Variants in GRIN2B observed in about 807,000 individuals in gnomAD.
The protein encoded by GRIN2B is glutamate receptor ionotropic, NMDA 2B.
GRIN2B carries 5 observed loss-of-function variants against 114.5 expected under a neutral mutation model. The ratio of observed to expected loss-of-function variants is 0.04; its 90% confidence interval spans 0.02 to 0.09. GRIN2B has a LOEUF of 0.09. Ranked by LOEUF, GRIN2B falls within the 10% of genes least tolerant of loss-of-function variation. The pLI is 1.00. For synonymous variants in GRIN2B, 787 were observed against 745.1 expected, an observed-to-expected ratio of 1.06 and a Z score of -0.92; for missense variants, 1,108 against 1,943.5, an observed-to-expected ratio of 0.57 and a Z score of 8.08.
At chr12:13,739,679 G>A (rs538900296) in intron 4 of GRIN2B, among the ~76,000 whole-genome samples, 2 of 152,146 alleles carry the variant, frequency 1.3e-5, no homozygotes, top group South Asian at 4.1e-4. Flanking sequence ...ATTGCATGGA[G>A]AATGGTTCTA....
intron 3 of GRIN2B, among the ~76,000 whole-genome samples, chr12:13,829,189 C>T (rs1337085663): frequency 6.6e-6 from 1 of 152,158 alleles, no homozygotes; most frequent in Non-Finnish European, 1.5e-5. Context: ...CATCCAATCA[C>T]CTTTCATTAA....
At chr12:13,695,681 C>G (rs1250248398) in intron 4 of GRIN2B, among the ~76,000 whole-genome samples, 1 of 152,146 alleles carries the variant, frequency 6.6e-6, no homozygotes, top group Non-Finnish European at 1.5e-5. Context: ...GAACAGGATG[C>G]TGTATTCCTA....
At chr12:13,889,113 T>C (rs991455819) in intron 2 of GRIN2B, among the ~76,000 whole-genome samples, 4 of 152,232 alleles carry the variant, frequency 2.6e-5, no homozygotes, top group African/African-American at 9.6e-5. Context: ...TTAAAAATTA[T>C]TTGTTTTGGC....
intron 4 of GRIN2B, among the ~76,000 whole-genome samples, chr12:13,750,883 C>T (rs141906787): frequency 1.5e-3 from 226 of 152,198 alleles, no homozygotes; most frequent in African/African-American, 5.3e-3. Context: ...CATGCAATTG[C>T]CACAGTTTGA....
At chr12:13,660,975 T>C (rs756001381) in intron 5 of GRIN2B, among the ~76,000 whole-genome samples, 3 of 152,210 alleles carry the variant, frequency 2.0e-5, no homozygotes, top group Non-Finnish European at 2.9e-5. Flanking sequence ...TTTTAGACTA[T>C]ATCACTCTGT....
intron 4 of GRIN2B, among the ~76,000 whole-genome samples, chr12:13,726,537 AAAAG>A (rs919157633): frequency 2.8e-5 from 4 of 145,376 alleles, no homozygotes; most frequent in African/African-American, 7.9e-5. Flanking sequence ...TCTGTCAAAA[AAAAG>A]AAAGAAATAT....
At chr12:13,899,392 T>TATAACAGCCTTATATCCTAC (rs1451528749) in intron 2 of GRIN2B, among the ~76,000 whole-genome samples, 52 of 145,604 alleles carry the variant, frequency 3.6e-4, no homozygotes, top group Non-Finnish European at 5.7e-4. Flanking sequence ...AGGAAGTGGG[T>TATAACAGCCTTATATCCTAC]CAGTGTCAAG....
chr12:13,832,504 G>T (rs974440294), intron 3 of GRIN2B, among the ~76,000 whole-genome samples: 5 of 152,164 alleles, frequency 3.3e-5, no homozygotes, highest in African/African-American at 1.2e-4. Flanking sequence ...TGTCTGATTT[G>T]CCACCCTATT....
intron 4 of GRIN2B, among the ~76,000 whole-genome samples, chr12:13,715,244 C>T (rs1950445133): frequency 6.6e-6 from 1 of 151,864 alleles, no homozygotes; most frequent in South Asian, 2.1e-4. Context: ...TCTGAAGCCT[C>T]TCCGTTATCA....
In GRIN2B at chr12:13,556,143, C is replaced by T. The variant is rs775738411; in HGVS notation, c.*6640G>A. ...CAAGGTTGTGGTTAGAGAGGAAATC[C>T]CAGAGTTTTAGCTCTGGGAGGTGTA... On this transcript the variant is annotated 3_prime_UTR_variant, in exon 14 of 14. Transcript: ENST00000609686. The T allele has an allele frequency of 6.6e-6, 1 of 152,006 alleles. No homozygotes were observed. Among genetic ancestry groups the T allele is most frequent in the African/African-American group, 2.4e-5 (1 of 41,382 alleles). 9.4% of individuals were successfully genotyped at this position (152,006 alleles called of 1,614,324 possible). A position where few individuals can be genotyped will look rare whatever the true frequency, so the allele number is the denominator to read the frequency against.
chr12:13,912,509 G>A (rs1253774501), intron 2 of GRIN2B, among the ~76,000 whole-genome samples: 1 of 152,196 alleles, frequency 6.6e-6, no homozygotes, highest in African/African-American at 2.4e-5. Context: ...AGTATGGCCG[G>A]TCTAAGAGAG....
intron 10 of GRIN2B, among the ~76,000 whole-genome samples, chr12:13,607,407 A>ATTATATAT (rs1565473834): frequency 4.0e-5 from 3 of 74,392 alleles, no homozygotes; most frequent in African/African-American, 1.2e-4. Context: ...TATAATATAT[A>ATTATATAT]AAATATATAA....
At chr12:13,783,248 G>A (rs139952606) in intron 3 of GRIN2B, among the ~76,000 whole-genome samples, 4 of 152,046 alleles carry the variant, frequency 2.6e-5, no homozygotes, top group African/African-American at 7.2e-5. Context: ...ACACTGAAAA[G>A]ACAAACACAC....
At chr12:13,672,193 A>G (rs977958186) in intron 5 of GRIN2B, among the ~76,000 whole-genome samples, 3 of 152,182 alleles carry the variant, frequency 2.0e-5, no homozygotes, top group Non-Finnish European at 4.4e-5. Flanking sequence ...GGACCCAAGA[A>G]GTCTTCTTAG....
chr12:13,907,906 A>G (rs975832295), intron 2 of GRIN2B, among the ~76,000 whole-genome samples: 12 of 152,212 alleles, frequency 7.9e-5, no homozygotes, highest in Admixed American at 5.9e-4. Flanking sequence ...AAGAGTGTCC[A>G]TGAATGGCAT....
intron 2 of GRIN2B, among the ~76,000 whole-genome samples, chr12:13,955,786 G>C (rs1012066717): frequency 3.3e-5 from 5 of 152,114 alleles, no homozygotes; most frequent in Non-Finnish European, 7.4e-5. Flanking sequence ...TTTCAATTAA[G>C]ACACAAAGAG....
At chr12:13,809,917 T>C (rs1335889705) in intron 3 of GRIN2B, among the ~76,000 whole-genome samples, 2 of 152,204 alleles carry the variant, frequency 1.3e-5, no homozygotes, top group Non-Finnish European at 2.9e-5. Flanking sequence ...TGGGATCCAG[T>C]CTGCCTCATC....
At chr12:13,723,330 C>T (rs945895508) in intron 4 of GRIN2B, among the ~76,000 whole-genome samples, 1 of 151,870 alleles carries the variant, frequency 6.6e-6, no homozygotes, top group Non-Finnish European at 1.5e-5. Context: ...TTCTAAGACA[C>T]ATTTCTTAAG....
At chr12:13,691,487 C>T (rs1366522029) in intron 4 of GRIN2B, among the ~76,000 whole-genome samples, 1 of 152,170 alleles carries the variant, frequency 6.6e-6, no homozygotes, top group Non-Finnish European at 1.5e-5. Flanking sequence ...CTTGAATTCC[C>T]TCAAATTCTT....
Sources: allele counts gnomAD v4.1 joint callset (sites outside exome capture counted in the v4.1 genomes callset), GRCh38; gene constraint gnomAD v4.1.1; transcripts MANE v1.5; gene names NCBI Gene and HGNC (gene_info 2026-07-23, HGNC 2026-07-21).